The following TDP1 variants were observed in gnomAD, a reference collection of about 807,000 sequenced individuals.
The protein encoded by TDP1 is tyrosyl-DNA phosphodiesterase 1, also known as tyr-DNA phosphodiesterase 1.
In TDP1, 64 loss-of-function variants were observed where a neutral mutation model predicts 81.5. That is an observed-to-expected ratio of 0.79 (90% CI 0.64 to 0.97). The LOEUF (loss-of-function observed/expected upper bound fraction) is 0.97, where lower values mean the gene tolerates loss of function less well. Among genes scored for constraint, TDP1 ranks in the 50% least tolerant of loss-of-function variants. The pLI, the probability that TDP1 is intolerant of heterozygous loss-of-function variation, is 0.00. For missense variants in TDP1, 723 were observed against 743.8 expected, an observed-to-expected ratio of 0.97 and a Z score of 0.33; for synonymous variants, 256 against 264.3, an observed-to-expected ratio of 0.97 and a Z score of 0.30.
At chr14:89,994,602 T>C (rs577069861) in intron 14 of TDP1, among the ~76,000 whole-genome samples, 1 of 152,224 alleles carries the variant, frequency 6.6e-6, no homozygotes, top group African/African-American at 2.4e-5. Flanking sequence ...TCAATGGCAG[T>C]GTGTGCTTGA....
At position 89,966,157 on chromosome 14, in the gene TDP1, T is replaced by C; in HGVS notation, c.570T>C (p.Ser190=). The C allele has an allele frequency of 6.2e-7, 1 of 1,604,482 alleles. No homozygotes were observed. The highest frequency in any genetic ancestry group is 1.7e-4 in the Middle Eastern group (1 of 6,044). ...SGALHIKDIL[S]PLFGTLVSSA... Reference sequence around the variant, plus strand: ...GTTTTGTCTTCTCAGATATTTTATCTCCTTTATTTGGGACGCTTGTTTCTT... The same window carrying C: ...GTTTTGTCTTCTCAGATATTTTATCCCCTTTATTTGGGACGCTTGTTTCTT... Residue 190 remains serine (S), a synonymous_variant, in exon 4 of 17, where the codon TCT becomes TCC. Coordinates refer to ENST00000335725, the MANE Select transcript of TDP1 (RefSeq NM_018319.4).
intron 14 of TDP1, among the ~76,000 whole-genome samples, chr14:89,994,320 G>A (rs1406828851): frequency 1.3e-5 from 2 of 152,120 alleles, no homozygotes; most frequent in Non-Finnish European, 2.9e-5. Flanking sequence ...GCAATTGTAG[G>A]GGCTGGCAAG....
At chr14:89,963,912 G>T (rs957343432) in intron 3 of TDP1, among the ~76,000 whole-genome samples, 2 of 152,198 alleles carry the variant, frequency 1.3e-5, no homozygotes, top group African/African-American at 4.8e-5. Flanking sequence ...CACTTAGCAC[G>T]ATGTTTAGCA....
intron 14 of TDP1, among the ~76,000 whole-genome samples, chr14:90,014,464 T>C (rs1364576078): frequency 1.3e-5 from 2 of 152,220 alleles, no homozygotes; most frequent in Admixed American, 1.3e-4. Context: ...GCTGGAGTCA[T>C]GGTTTCCCCT....
chr14:89,998,410 A>C (rs1326215505), intron 14 of TDP1, among the ~76,000 whole-genome samples: 1 of 105,866 alleles, frequency 9.4e-6, no homozygotes. Flanking sequence ...ATATATATAT[A>C]TATATATATA....
rs928104821 is a variant in TDP1 at position 90,016,354 on chromosome 14, C to G, written c.1542-2962C>G. On this transcript the variant is annotated intron_variant, in intron 14 of 16. Transcript: ENST00000335725. ...CACTGTGCCCAGCCGAGACAGCAGC[C>G]ATTTTTATAACTCATGCGTTGTCAC... Among the ~76,000 whole-genome samples the G allele has an allele frequency of 2.6e-5, 4 of 152,254 alleles. No homozygotes were observed. In the South Asian group the frequency reaches 6.2e-4, roughly 24 times the overall value.
At chr14:89,973,849 G>A (rs1285008433) in intron 6 of TDP1, among the ~76,000 whole-genome samples, 1 of 152,152 alleles carries the variant, frequency 6.6e-6, no homozygotes, top group African/African-American at 2.4e-5. Context: ...GTGCCAGTCA[G>A]TTCAGTTCCA....
intron 1 of TDP1, 170 bp downstream of exon 1, chr14:89,956,140 C>A (rs1379480537): frequency 1.3e-5 from 2 of 152,384 alleles, no homozygotes; most frequent in African/African-American, 2.4e-5. Flanking sequence ...GGCAGGGTCG[C>A]CTCGGCCCCG....
At chr14:90,039,252 T>C (rs931194190) in intron 16 of TDP1, among the ~76,000 whole-genome samples, 4 of 152,188 alleles carry the variant, frequency 2.6e-5, no homozygotes, top group African/African-American at 9.7e-5. Flanking sequence ...ATAATTGCAT[T>C]TCTACTAACT....
At chr14:89,961,490 G>A (rs1389953588) in intron 2 of TDP1, among the ~76,000 whole-genome samples, 1 of 152,190 alleles carries the variant, frequency 6.6e-6, no homozygotes, top group African/African-American at 2.4e-5. Flanking sequence ...GTAGCAGTGT[G>A]TGATTTAACC....
intron 3 of TDP1, among the ~76,000 whole-genome samples, chr14:89,963,984 T>G (rs928408650): frequency 6.6e-6 from 1 of 152,190 alleles, no homozygotes; most frequent in Non-Finnish European, 1.5e-5. Flanking sequence ...TAGCAAATAC[T>G]TGACAACAGT....
At chr14:89,994,110 C>G (rs1693643386) in intron 14 of TDP1, among the ~76,000 whole-genome samples, 1 of 152,198 alleles carries the variant, frequency 6.6e-6, no homozygotes, top group South Asian at 2.1e-4. Flanking sequence ...TAGTTCCTGA[C>G]TCCCAGGCTG....
At chr14:90,021,728 T>A (rs1354348400) in intron 15 of TDP1, among the ~76,000 whole-genome samples, 2 of 152,188 alleles carry the variant, frequency 1.3e-5, no homozygotes, top group Non-Finnish European at 2.9e-5. Flanking sequence ...AAATAGAGAT[T>A]GCATTATTTA....
chr14:89,956,781 T>G lies in TDP1; in HGVS notation c.-27T>G, dbSNP rs1891697664. ...GCGTGATGGTGGATGCCTGTAATCC[T>G]AGCTCCTCGGGAGGCTAAGGTAGGA... On this transcript the variant is annotated 5_prime_UTR_variant, in exon 2 of 17. Transcript: ENST00000335725. 6.6e-6 allele frequency: 1 copy of G among 152,232 alleles called. No individual in the cohort carries two copies. The highest frequency in any genetic ancestry group is 1.5e-5 in the Non-Finnish European group (1 of 68,070). The allele number at this position is 152,232 out of a possible 1,614,324, so 9.4% of individuals were successfully genotyped here.
At chr14:90,030,921 A>G (rs1596703392) in intron 15 of TDP1, among the ~76,000 whole-genome samples, 1 of 146,808 alleles carries the variant, frequency 6.8e-6, no homozygotes, top group Admixed American at 6.8e-5. Context: ...ACACACCACC[A>G]CTCCAGTTAA....
intron 4 of TDP1, chr14:89,966,934 TA>T (rs1165790840): frequency 3.1e-6 from 3 of 971,346 alleles, no homozygotes; most frequent in Non-Finnish European, 3.7e-6. Flanking sequence ...AGCTAGCTAA[TA>T]AGTTAGCCTG....
At chr14:90,039,168 T>C (rs1293012898) in intron 16 of TDP1, among the ~76,000 whole-genome samples, 1 of 152,180 alleles carries the variant, frequency 6.6e-6, no homozygotes, top group Non-Finnish European at 1.5e-5. Context: ...CTGTATATAG[T>C]CACAGATTAA....
At chr14:89,966,620 G>A (rs775211117) in intron 4 of TDP1, among the ~76,000 whole-genome samples, 2 of 152,204 alleles carry the variant, frequency 1.3e-5, no homozygotes, top group Non-Finnish European at 2.9e-5. Flanking sequence ...CTTCCTGACT[G>A]AGCTAGTCCC....
At position 89,993,396 on chromosome 14, in the gene TDP1, C is replaced by G; in HGVS notation, c.1454C>G (p.Ser485Cys). 6.2e-7 allele frequency: 1 copy of G among 1,613,752 alleles called. No individual in the cohort carries two copies. Among genetic ancestry groups the G allele is most frequent in the Non-Finnish European group, 8.5e-7 (1 of 1,179,736 alleles). Residue 485 changes from serine (S) to cysteine (C), a missense_variant, in exon 14 of 17, where the codon TCT becomes TGT. Transcript: ENST00000335725. ...ACTAGCAAATGGTCAGCTGAGACTT[C>G]TGGCCGCAGCAATGCCATGCCACAT... Reference protein sequence around the residue: ...SYFHKWSAETSGRSNAMPHIK... With the variant: ...SYFHKWSAETCGRSNAMPHIK...
Sources: allele counts gnomAD v4.1 joint callset (sites outside exome capture counted in the v4.1 genomes callset), GRCh38; gene constraint gnomAD v4.1.1; transcripts MANE v1.5; gene names NCBI Gene and HGNC (gene_info 2026-07-23, HGNC 2026-07-21).